RMDN2: variants seen among roughly 807,000 people sequenced by gnomAD.
The protein encoded by RMDN2 is regulator of microtubule dynamics 2, also known as regulator of microtubule dynamics protein 2.
RMDN2 carries 61 observed loss-of-function variants against 52.8 expected under a neutral mutation model. That is an observed-to-expected ratio of 1.16 (90% confidence interval 0.94 to 1.43). The LOEUF is 1.43. Ranked by LOEUF, RMDN2 falls within the 40% of genes most tolerant of loss-of-function variation. The probability of loss-of-function intolerance (pLI) is 0.00; values close to 1 mark genes in which losing one functional copy is unlikely to be tolerated. For synonymous variants in RMDN2, 180 were observed against 153.1 expected (o/e 1.18, Z -1.30); for missense variants, 592 against 475.3 (o/e 1.25, Z -2.28).
At chr2:38,052,748 T>C (rs1297887143) in intron 10 of RMDN2, among the ~76,000 whole-genome samples, 1 of 152,194 alleles carries the variant, frequency 6.6e-6, no homozygotes, top group African/African-American at 2.4e-5. Context: ...GTGTTTTTTT[T>C]CTGGGGCCAT....
chr2:37,940,021 A>G (rs1667645397), intron 2 of RMDN2, among the ~76,000 whole-genome samples: 1 of 152,206 alleles, frequency 6.6e-6, no homozygotes, highest in South Asian at 2.1e-4. Context: ...GTCTGGTACC[A>G]GTTTTTCCTT....
chr2:37,988,090 G>A (rs1674279763), intron 5 of RMDN2, among the ~76,000 whole-genome samples: 1 of 152,186 alleles, frequency 6.6e-6, no homozygotes, highest in South Asian at 2.1e-4. Context: ...GGGCTATAAT[G>A]TAGGGGCTAG....
intron 4 of RMDN2, among the ~76,000 whole-genome samples, chr2:37,978,483 CAAAT>C (rs1672858365): frequency 6.6e-6 from 1 of 152,080 alleles, no homozygotes; most frequent in Non-Finnish European, 1.5e-5. Flanking sequence ...CAGCACTAGT[CAAAT>C]AATCATACAT....
chr2:37,933,075 C>A (rs1010062507), intron 2 of RMDN2, among the ~76,000 whole-genome samples: 1 of 151,568 alleles, frequency 6.6e-6, no homozygotes, highest in African/African-American at 2.4e-5. Flanking sequence ...GGTTGCCAGG[C>A]AGAGGGTCTC....
chr2:37,978,785 T>TAGAC (rs1672909137), intron 4 of RMDN2, among the ~76,000 whole-genome samples: 1 of 147,336 alleles, frequency 6.8e-6, no homozygotes, highest in Non-Finnish European at 1.5e-5. Flanking sequence ...CTCAGATAGA[T>TAGAC]AGATAGATAG....
downstream of RMDN2, among the ~76,000 whole-genome samples, chr2:38,022,364 C>T (rs1022111146): frequency 3.3e-5 from 5 of 152,184 alleles, no homozygotes; most frequent in Non-Finnish European, 7.3e-5. Context: ...ACTTCACTCA[C>T]CACTCATGGT....
chr2:37,956,778 G>A (rs977029854), intron 2 of RMDN2, among the ~76,000 whole-genome samples: 6 of 151,908 alleles, frequency 3.9e-5, no homozygotes, highest in African/African-American at 1.5e-4. Context: ...TCTATGTTAG[G>A]TATTTGTCCT....
intron 2 of RMDN2, chr2:37,951,310 C>A: frequency 6.2e-7 from 1 of 1,612,722 alleles, no homozygotes; most frequent in Non-Finnish European, 8.5e-7. Flanking sequence ...CATCGTGGAG[C>A]CTCTTCTATT....
intron 10 of RMDN2, among the ~76,000 whole-genome samples, chr2:38,042,131 T>C (rs1200842285): frequency 2.6e-5 from 4 of 152,220 alleles, no homozygotes; most frequent in Admixed American, 2.6e-4. Context: ...CTAGTAAATA[T>C]AGGCCTACTT....
chr2:37,932,983 G>T lies in RMDN2; in HGVS notation c.452+3254G>T, dbSNP rs562745340. 4.9e-3 allele frequency among the ~76,000 whole-genome samples: 742 copies of T among 151,476 alleles called. 21 individuals are homozygous for T. The highest frequency in any genetic ancestry group is 0.032 in the Admixed American group (495 of 15,254). On this transcript the variant is annotated intron_variant, in intron 2 of 10. Transcript: ENST00000354545. The stretch of plus-strand genomic sequence containing the variant: ...AGACGCTCCTCACTTCCCAGACGGG[G>T]TGGCTGCTGGGTGGAGGGGCTCCTC...
chr2:38,010,652 C>T (rs1208513222), intron 10 of RMDN2, among the ~76,000 whole-genome samples: 2 of 152,180 alleles, frequency 1.3e-5, no homozygotes, highest in Admixed American at 1.3e-4. Flanking sequence ...TTACCCTTTG[C>T]ACTTCCCAGG....
At chr2:38,050,789 C>A (rs187531341) in intron 10 of RMDN2, among the ~76,000 whole-genome samples, 5 of 152,154 alleles carry the variant, frequency 3.3e-5, no homozygotes, top group African/African-American at 1.2e-4. Flanking sequence ...GACAGAGGCT[C>A]GCTCTGTCGC....
downstream of RMDN2, among the ~76,000 whole-genome samples, chr2:38,017,989 G>C (rs747840276): frequency 1.2e-4 from 19 of 152,184 alleles, no homozygotes; most frequent in Non-Finnish European, 2.4e-4. Context: ...GCCAGGATGA[G>C]CCCGGAGAAG....
intron 2 of RMDN2, among the ~76,000 whole-genome samples, chr2:37,965,002 A>G (rs1900233): frequency 0.3 from 45,110 of 151,878 alleles, 7,259 homozygotes; most frequent in East Asian, 0.63. Context: ...TCTCTTGTAC[A>G]ATTTTTGACT....
chr2:38,016,671 G>A (rs577569221), intron 10 of RMDN2, among the ~76,000 whole-genome samples: 17 of 152,228 alleles, frequency 1.1e-4, no homozygotes, highest in African/African-American at 3.6e-4. Context: ...TCTCACTCAA[G>A]TTTCCATCTA....
chr2:37,936,592 G>A (rs886780655), intron 2 of RMDN2, among the ~76,000 whole-genome samples: 2 of 152,196 alleles, frequency 1.3e-5, no homozygotes, highest in African/African-American at 4.8e-5. Context: ...ATTCTAACTT[G>A]TATAAGATGA....
In RMDN2 at chr2:38,017,562, T is replaced by C; in HGVS notation, c.*323T>C. On this transcript the variant is annotated 3_prime_UTR_variant, in exon 11 of 11. Coordinates refer to ENST00000354545, the MANE Select transcript of RMDN2 (RefSeq NM_001170791.3). Reference sequence around the variant, plus strand: ...ATAAAATGAATTCTCATGAATATTTTATTGTTTCAATGGAGACTTCGTAAG... The same window carrying C: ...ATAAAATGAATTCTCATGAATATTTCATTGTTTCAATGGAGACTTCGTAAG... The C allele has an allele frequency of 8.3e-7, 1 of 1,202,882 alleles. No homozygotes were observed. Among genetic ancestry groups the C allele is most frequent in the African/African-American group, 1.6e-5 (1 of 63,146 alleles). 74.5% of individuals were successfully genotyped at this position (1,202,882 alleles called of 1,614,324 possible).
chr2:37,944,868 C>G (rs1280234110), intron 2 of RMDN2, among the ~76,000 whole-genome samples: 1 of 151,930 alleles, frequency 6.6e-6, no homozygotes, highest in East Asian at 1.9e-4. Flanking sequence ...TATTTATGGG[C>G]CACAAGGAAG....
intron 10 of RMDN2, chr2:38,028,132 C>A (rs1679917500): frequency 6.6e-6 from 1 of 151,798 alleles, no homozygotes; most frequent in Admixed American, 6.6e-5. Flanking sequence ...TGGGGACTAT[C>A]CAGAGGCTGA....
Sources: gnomAD v4.1 joint callset for allele counts (sites outside exome capture counted in the v4.1 genomes callset) on GRCh38, gnomAD v4.1.1 for gene constraint, MANE v1.5 for transcripts, NCBI Gene and HGNC (gene_info 2026-07-23, HGNC 2026-07-21) for gene names.